ZRANB3: variants seen among roughly 807,000 people sequenced by gnomAD.
ZRANB3 encodes DNA annealing helicase and endonuclease ZRANB3.
ZRANB3 carries 125 observed loss-of-function variants against 133.8 expected under a neutral mutation model. That is an observed-to-expected ratio of 0.93 (90% CI 0.81 to 1.08). The LOEUF is 1.08. Among genes scored for constraint, ZRANB3 ranks in the 50% least tolerant of loss-of-function variants. ZRANB3 has a pLI of 0.00. For missense variants in ZRANB3, 1,229 were observed against 1,275.5 expected (o/e 0.96, Z 0.56); for synonymous variants, 387 against 432.7 (o/e 0.89, Z 1.31).
chr2:135,411,578 A>C (rs1688303628), intron 2 of ZRANB3, among the ~76,000 whole-genome samples: 1 of 152,198 alleles, frequency 6.6e-6, no homozygotes, highest in South Asian at 2.1e-4. Context: ...ATGGAATATT[A>C]CCACAAAAAA....
chr2:135,471,492 C>CA (rs1169417553), intron 2 of ZRANB3, among the ~76,000 whole-genome samples: 5 of 152,130 alleles, frequency 3.3e-5, no homozygotes, highest in Admixed American at 2.6e-4. Flanking sequence ...CACTGTGTTT[C>CA]AGAGTTTTGG....
intron 3 of ZRANB3, among the ~76,000 whole-genome samples, chr2:135,373,554 G>A (rs1231907439): frequency 1.3e-5 from 2 of 152,132 alleles, no homozygotes; most frequent in African/African-American, 4.8e-5. Context: ...TTGGGAGGCC[G>A]AGGCAGGCGG....
chr2:135,491,739 T>C (rs1692386803), intron 2 of ZRANB3, among the ~76,000 whole-genome samples: 2 of 151,962 alleles, frequency 1.3e-5, no homozygotes, highest in Non-Finnish European at 2.9e-5. Flanking sequence ...ATGGTCTTGA[T>C]CTCCTGACCT....
rs959690328 is a variant in ZRANB3 at position 135,502,612 on chromosome 2, G to A, written c.161+1717C>T. Reference sequence around the variant, plus strand: ...TTTCAACCAAGTCTAAACCTAAAGCGTACGTTCTTTCTACTCCGCCATAGT... The same window carrying A: ...TTTCAACCAAGTCTAAACCTAAAGCATACGTTCTTTCTACTCCGCCATAGT... On this transcript the variant is annotated intron_variant, in intron 2 of 20. Transcript: ENST00000264159. Among the ~76,000 whole-genome samples, 7 of 152,264 alleles carry A rather than the reference G, an allele frequency of 4.6e-5. No homozygotes were observed. In the East Asian group the frequency reaches 5.8e-4, roughly 13 times the overall value.
intron 1 of ZRANB3, among the ~76,000 whole-genome samples, chr2:135,520,092 T>G (rs199517421): frequency 2.4e-3 from 354 of 145,834 alleles, no homozygotes; most frequent in Non-Finnish European, 3.6e-3. Context: ...CTTTTTTTTT[T>G]TTTTGTTTTG....
At chr2:135,506,633 C>G (rs940595210) in intron 1 of ZRANB3, among the ~76,000 whole-genome samples, 1 of 152,138 alleles carries the variant, frequency 6.6e-6, no homozygotes, top group African/African-American at 2.4e-5. Flanking sequence ...ACGGGCTCAA[C>G]AGTAACATGT....
At chr2:135,469,936 C>T (rs568430972) in intron 2 of ZRANB3, among the ~76,000 whole-genome samples, 4 of 150,390 alleles carry the variant, frequency 2.7e-5, no homozygotes, top group South Asian at 2.1e-4. Context: ...GGCGTGAACC[C>T]GGGAGGTGGA....
At chr2:135,446,208 A>AG (rs1015346746) in intron 2 of ZRANB3, among the ~76,000 whole-genome samples, 1 of 147,522 alleles carries the variant, frequency 6.8e-6, no homozygotes, top group African/African-American at 2.5e-5. Flanking sequence ...CTCAATCTCA[A>AG]AAAAAAAAAA....
intron 1 of ZRANB3, among the ~76,000 whole-genome samples, chr2:135,517,402 G>A (rs1026423001): frequency 2.6e-5 from 4 of 152,014 alleles, no homozygotes; most frequent in African/African-American, 4.8e-5. Flanking sequence ...CCTCATCTTC[G>A]TGGATTTATC....
chr2:135,203,357 T>G lies in ZRANB3; in HGVS notation c.3010-394A>C, dbSNP rs767687741. On this transcript the variant is annotated intron_variant, in intron 19 of 20. Transcript: ENST00000264159. Reference sequence around the variant, plus strand: ...CTTCTCAGCCAGGCACAGTGGCTCATGCCTGTAATCCCAGCACTTTGGGAG... The same window carrying G: ...CTTCTCAGCCAGGCACAGTGGCTCAGGCCTGTAATCCCAGCACTTTGGGAG... 8.2e-4 allele frequency among the ~76,000 whole-genome samples: 124 copies of G among 152,112 alleles called. 2 individuals carry two copies. The highest frequency in any genetic ancestry group is 2.8e-4 in the Non-Finnish European group (19 of 68,012).
intron 3 of ZRANB3, among the ~76,000 whole-genome samples, chr2:135,378,424 C>A (rs11892059): frequency 0.26 from 40,038 of 151,428 alleles, 8,840 homozygotes; most frequent in African/African-American, 0.59. Flanking sequence ...ACCCGGGAGA[C>A]AGAGGTTGCA....
At chr2:135,449,797 A>T (rs1220694535) in intron 2 of ZRANB3, among the ~76,000 whole-genome samples, 1 of 152,142 alleles carries the variant, frequency 6.6e-6, no homozygotes, top group East Asian at 1.9e-4. Flanking sequence ...TCTCTCTATC[A>T]TCCAGGCTAC....
rs777699109 is a variant in ZRANB3 at position 135,320,931 on chromosome 2, TA to T, written c.678-5402del. ...CCTTTTAAATCTTATTTCTTTCACT[TA>T]GCATATTGCATTTGAAAGTTATATA... is the stretch of plus-strand genomic sequence containing the variant. On this transcript the variant is annotated intron_variant, in intron 6 of 20. Transcript: ENST00000264159. Among the ~76,000 whole-genome samples, 83 of 152,350 alleles carry T rather than the reference TA, an allele frequency of 5.4e-4. 1 individual carries two copies. Among genetic ancestry groups the T allele is most frequent in the Non-Finnish European group, 4.9e-4 (33 of 68,024 alleles).
intron 2 of ZRANB3, among the ~76,000 whole-genome samples, chr2:135,401,771 C>A (rs1054311941): frequency 3.9e-5 from 6 of 152,078 alleles, no homozygotes; most frequent in African/African-American, 1.4e-4. Flanking sequence ...GCTCTAAACT[C>A]CTGTTAACTG....
intron 19 of ZRANB3, among the ~76,000 whole-genome samples, chr2:135,206,090 A>G (rs1693845620): frequency 6.6e-6 from 1 of 152,228 alleles, no homozygotes. Context: ...AGAATGGCAA[A>G]TGATCCAGTA....
At chr2:135,287,028 A>T (rs907445317) in intron 8 of ZRANB3, among the ~76,000 whole-genome samples, 3 of 152,174 alleles carry the variant, frequency 2.0e-5, no homozygotes, top group Non-Finnish European at 4.4e-5. Flanking sequence ...GTCCAATGTT[A>T]TCCTCTAGAA....
Position 135,295,882 on chromosome 2 carries a change from C to T in ZRANB3, c.966+17607G>A, listed in dbSNP as rs1682048222. Among the ~76,000 whole-genome samples, 5 of 152,282 alleles carry T rather than the reference C, an allele frequency of 3.3e-5. No individual in the cohort carries two copies. In the South Asian group the frequency reaches 1.0e-3, roughly 32 times the overall value. On this transcript the variant is annotated intron_variant, in intron 8 of 20. Coordinates refer to ENST00000264159, the MANE Select transcript of ZRANB3 (RefSeq NM_032143.4). ...GAAATTCTGGGTTGAAAATTCTTTT[C>T]TTTAAGAATGTTGAATATTGGCCCC...
At chr2:135,438,308 C>T (rs537048088) in intron 2 of ZRANB3, among the ~76,000 whole-genome samples, 2 of 152,008 alleles carry the variant, frequency 1.3e-5, no homozygotes, top group Admixed American at 1.3e-4. Flanking sequence ...AGTTCGAGAC[C>T]AGCCTTCCCA....
At chr2:135,429,454 C>T (rs975025629) in intron 2 of ZRANB3, among the ~76,000 whole-genome samples, 11 of 152,082 alleles carry the variant, frequency 7.2e-5, no homozygotes, top group African/African-American at 2.4e-4. Flanking sequence ...ATAATCTGTA[C>T]TCCATACCCC....
Sources: gnomAD v4.1 joint callset for allele counts (sites outside exome capture counted in the v4.1 genomes callset) on GRCh38, gnomAD v4.1.1 for gene constraint, MANE v1.5 for transcripts, NCBI Gene and HGNC (gene_info 2026-07-23, HGNC 2026-07-21) for gene names.